The following DOCK10 variants were observed in gnomAD, a reference collection of about 807,000 sequenced individuals.
DOCK10 encodes dedicator of cytokinesis 10, also known as dedicator of cytokinesis protein 10.
In DOCK10, 145 loss-of-function variants were observed where a neutral mutation model predicts 280.1. The observed-to-expected ratio is 0.52, with a 90% CI of 0.45 to 0.59. The LOEUF (loss-of-function observed/expected upper bound fraction) is 0.59, where lower values mean the gene tolerates loss of function less well. DOCK10 is among the 20% of genes least tolerant of loss of function. The pLI is 0.00. For missense variants in DOCK10, 2,368 were observed against 2,651.7 expected (o/e 0.89, Z 2.35); for synonymous variants, 915 against 942.2 (o/e 0.97, Z 0.53).
chr2:224,854,004 T>C (rs1379806780), intron 16 of DOCK10, among the ~76,000 whole-genome samples: 2 of 152,214 alleles, frequency 1.3e-5, no homozygotes, highest in African/African-American at 4.8e-5. Flanking sequence ...CCATATCAGG[T>C]AGAGGAAATG....
chr2:224,946,962 T>C, intron 1 of DOCK10: 1 of 1,536,910 alleles, frequency 6.5e-7, no homozygotes, highest in Non-Finnish European at 8.8e-7. Flanking sequence ...CGTATTGCTA[T>C]AATTTGAGTC....
intron 1 of DOCK10, among the ~76,000 whole-genome samples, chr2:225,039,574 G>T (rs1690359638): frequency 6.6e-6 from 1 of 152,144 alleles, no homozygotes. Flanking sequence ...GCATACACCT[G>T]TATTGTCCTC....
Position 224,774,900 on chromosome 2 carries a change from C to T in DOCK10, c.6013+5G>A, listed in dbSNP as rs1299830067. ...CACATGTGTGGCCCGGCTACCTGCA[C>T]CTACTTGTCAGGATCGTCCGCCGCT... On this transcript the variant is annotated splice_donor_5th_base_variant and intron_variant, in intron 52 of 55. Coordinates refer to ENST00000258390, the MANE Select transcript of DOCK10 (RefSeq NM_014689.3). 12 of 1,582,180 alleles carry T rather than the reference C, an allele frequency of 7.6e-6. No individual in the cohort carries two copies. Among genetic ancestry groups the T allele is most frequent in the Non-Finnish European group, 1.0e-5 (12 of 1,163,304 alleles).
At chr2:224,913,848 C>T (rs1366715979) in intron 3 of DOCK10, among the ~76,000 whole-genome samples, 1 of 152,150 alleles carries the variant, frequency 6.6e-6, no homozygotes, top group African/African-American at 2.4e-5. Flanking sequence ...TGGCCTCCCC[C>T]TGCTGAGTAG....
intron 11 of DOCK10, among the ~76,000 whole-genome samples, chr2:224,867,665 A>G (rs1698016243): frequency 6.6e-6 from 1 of 152,244 alleles, no homozygotes; most frequent in Admixed American, 6.5e-5. Context: ...GACATAAGAC[A>G]TCAAAGAGCA....
Position 224,787,071 on chromosome 2 carries a change from G to A in DOCK10, c.5606C>T (p.Ser1869Leu). The A allele has an allele frequency of 3.7e-6, 6 of 1,613,978 alleles. No homozygotes were observed. The highest frequency in any genetic ancestry group is 5.1e-6 in the Non-Finnish European group (6 of 1,179,872). Residue 1869 changes from serine (S) to leucine (L), a missense_variant, in exon 50 of 56, where the codon TCG (serine) becomes TTG (leucine). Transcript: ENST00000258390. ...SYLKVAEVVNSEKRLFGRYYR... is the reference protein window; with the variant it reads ...SYLKVAEVVNLEKRLFGRYYR... ...GTAGCGACCAAACAGCCGCTTCTCC[G>A]AATTCACCACCTCTGCCACTTTCAG...
chr2:224,812,227 T>C (rs1389412586), intron 31 of DOCK10, among the ~76,000 whole-genome samples: 1 of 152,222 alleles, frequency 6.6e-6, no homozygotes, highest in East Asian at 1.9e-4. Context: ...GATTCCTAGG[T>C]ATTTTATTCT....
chr2:224,839,962 A>G lies in DOCK10; in HGVS notation c.2772T>C (p.Thr924=), dbSNP rs1023930215. The stretch of plus-strand genomic sequence containing the variant: ...GGTTGTGTTATGGATACCTGGTGAC[A>G]GTTGTAGTTATTTCATCTTCCTCAT... ...VQNEEDEITT[T]VTRVLTDIVA... The change falls in exon 24 of 56, where the codon ACT becomes ACC. Residue 924 remains threonine (T), a synonymous_variant. Transcript: ENST00000258390. 10 of 1,489,842 alleles carry G rather than the reference A, an allele frequency of 6.7e-6. No homozygotes were observed. Among genetic ancestry groups the G allele is most frequent in the African/African-American group, 4.2e-5 (3 of 72,256 alleles). The allele number at this position is 1,489,842 out of a possible 1,614,324, so 92.3% of individuals were successfully genotyped here.
In DOCK10 at chr2:224,805,268, T is replaced by C. The variant is rs992372324; in HGVS notation, c.3989A>G (p.Asp1330Gly). 6.2e-7 allele frequency: 1 copy of C among 1,613,046 alleles called. No homozygotes were observed. The highest frequency in any genetic ancestry group is 1.7e-5 in the Admixed American group (1 of 59,908). The change falls in exon 36 of 56, where the codon GAT becomes GGT. Residue 1330 changes from aspartate (D) to glycine (G), a missense_variant. By Grantham distance (94) the Asp-to-Gly change is moderately conservative. This residue lies in a region of DOCK10 where 1,159 missense variants were observed against 1,400.8 expected (regional missense o/e 0.83). Coordinates refer to ENST00000258390, the MANE Select transcript of DOCK10 (RefSeq NM_014689.3). This position sits in a 1 kb window ranked among gnomAD's most constrained non-coding sequence, Gnocchi z 4.3. ...IGSTLRFDKL[D>G]QAETRSLLMC... Reference sequence around the variant, plus strand: ...CAGGAGACTCCTGGTTTCTGCTTGATCTAACTTGTCAAATCGAAGAGTTGA... The same window carrying C: ...CAGGAGACTCCTGGTTTCTGCTTGACCTAACTTGTCAAATCGAAGAGTTGA...
At chr2:225,035,529 GAT>G (rs10605059) in intron 1 of DOCK10, among the ~76,000 whole-genome samples, 2,613 of 74,778 alleles carry the variant, frequency 0.035, 210 homozygotes, top group African/African-American at 0.12. Context: ...GATCTTATAT[GAT>G]ATGATATATA....
intron 19 of DOCK10, among the ~76,000 whole-genome samples, chr2:224,846,405 AG>A (rs1259727678): frequency 2.0e-5 from 3 of 151,976 alleles, no homozygotes; most frequent in Non-Finnish European, 4.4e-5. Flanking sequence ...GAAATGCAGA[AG>A]TTTTTTTTTC....
chr2:225,016,462 A>G (rs901874322), intron 1 of DOCK10, among the ~76,000 whole-genome samples: 1 of 151,042 alleles, frequency 6.6e-6, no homozygotes, highest in African/African-American at 2.4e-5. Flanking sequence ...CTATGTGCAC[A>G]TTCTTTCTCA....
rs1338649933 is a variant in DOCK10 at position 224,920,707 on chromosome 2, A to G, written c.244-3923T>C. 2.6e-5 allele frequency among the ~76,000 whole-genome samples: 4 copies of G among 152,082 alleles called. No individual in the cohort carries two copies. The East Asian group carries it at 7.7e-4, about 29-fold the overall frequency. ...TATGGCCATTATTAATAAAATTTTTATACAAAAATGCAAGCTATTCCTCTT... is the reference window on the plus strand; with the variant it reads ...TATGGCCATTATTAATAAAATTTTTGTACAAAAATGCAAGCTATTCCTCTT... On this transcript the variant is annotated intron_variant, in intron 2 of 55. Coordinates refer to ENST00000258390, the MANE Select transcript of DOCK10 (RefSeq NM_014689.3).
intron 55 of DOCK10, among the ~76,000 whole-genome samples, chr2:224,769,368 G>A (rs1690267598): frequency 6.6e-6 from 1 of 152,202 alleles, no homozygotes; most frequent in Admixed American, 6.5e-5. Flanking sequence ...TATTAACAGT[G>A]CCAGGCCATT....
At chr2:224,787,528 T>C (rs1691818843) in intron 48 of DOCK10, 131 bp from the exon 49 acceptor site, 1 of 1,131,614 alleles carries the variant, frequency 8.8e-7, no homozygotes, top group African/African-American at 1.6e-5. Flanking sequence ...CAGCAGGGGA[T>C]CGTGGTGTCA....
chr2:224,808,529 T>C (rs1693552089), intron 31 of DOCK10, among the ~76,000 whole-genome samples: 1 of 151,886 alleles, frequency 6.6e-6, no homozygotes, highest in Non-Finnish European at 1.5e-5. Context: ...AGCGATTGGA[T>C]TTTCGATGGC....
At chr2:224,916,558 AAAAAG>A in intron 3 of DOCK10, 132 bp downstream of exon 3, 2 of 544,806 alleles carry the variant, frequency 3.7e-6, no homozygotes, top group South Asian at 2.5e-5. Context: ...AAAAAAAAAA[AAAAAG>A]ACATCCACTA....
chr2:224,804,899 G>T, intron 37 of DOCK10, 58 bp from the exon 38 acceptor site: 1 of 1,308,964 alleles, frequency 7.6e-7, no homozygotes, highest in Non-Finnish European at 1.0e-6. Flanking sequence ...TATACAAACT[G>T]TTCATCTAAG....
chr2:224,815,139 A>G (rs554071677), intron 30 of DOCK10, among the ~76,000 whole-genome samples: 10 of 152,156 alleles, frequency 6.6e-5, no homozygotes, highest in African/African-American at 2.2e-4. Flanking sequence ...CATGACAGTA[A>G]GTGAGTTCTC....
Sources: allele counts gnomAD v4.1 joint callset (sites outside exome capture counted in the v4.1 genomes callset), GRCh38; gene constraint gnomAD v4.1.1; regional missense constraint gnomAD v4.1.1; non-coding constraint Gnocchi (gnomAD v3.1); transcripts MANE v1.5; gene names NCBI Gene and HGNC (gene_info 2026-07-23, HGNC 2026-07-21).